LIMCH1: variants seen among roughly 807,000 people sequenced by gnomAD.
LIMCH1 encodes LIM and calponin homology domains-containing protein 1.
In LIMCH1, 113 loss-of-function variants were observed where a neutral mutation model predicts 176.5. The observed-to-expected ratio is 0.64, with a 90% CI of 0.55 to 0.75. The LOEUF is 0.75. LIMCH1 is among the 30% of genes least tolerant of loss of function. The probability of loss-of-function intolerance (pLI) is 0.00; values close to 1 mark genes in which losing one functional copy is unlikely to be tolerated. For synonymous variants in LIMCH1, 619 were observed against 645.9 expected (o/e 0.96, Z 0.63); for missense variants, 1,674 against 1,814.9 (o/e 0.92, Z 1.41).
At position 41,633,597 on chromosome 4, in the gene LIMCH1, T is replaced by A; in HGVS notation, c.1879T>A (p.Leu627Met). 1 of 1,536,036 alleles carries A rather than the reference T, an allele frequency of 6.5e-7. No individual in the cohort carries two copies. The highest frequency in any genetic ancestry group is 8.7e-7 in the Non-Finnish European group (1 of 1,146,908). The change falls in exon 13 of 32, where the codon TTG becomes ATG. Residue 627 changes from leucine to methionine, a missense_variant. By Grantham distance (15) the Leu-to-Met change is conservative. Around this residue, in one of 3 missense-constraint regions of LIMCH1, gnomAD observed 1,015 missense variants for 1,102.5 expected, o/e 0.92. Transcript: ENST00000503057. ...ECEASGTEEKLEKMTAPAWSG... is the reference protein window; with the variant it reads ...ECEASGTEEKMEKMTAPAWSG... ...TGAGGCTTCAGGGACAGAAGAGAAG[T>A]TGGAGAAGATGACAGCTCCTGCCTG...
chr4:41,408,578 C>T (rs1490448392), intron 1 of LIMCH1, among the ~76,000 whole-genome samples: 1 of 152,138 alleles, frequency 6.6e-6, no homozygotes, highest in Non-Finnish European at 1.5e-5. Context: ...TCAGGTTTTC[C>T]AATGTTCCTC....
chr4:41,680,581 A>G (rs1000860397), intron 24 of LIMCH1, among the ~76,000 whole-genome samples: 2 of 152,206 alleles, frequency 1.3e-5, no homozygotes, highest in Admixed American at 6.5e-5. Context: ...AACACATTAG[A>G]TAACTTAAAG....
chr4:41,375,041 A>T (rs1321330383), intron 1 of LIMCH1, among the ~76,000 whole-genome samples: 3 of 152,232 alleles, frequency 2.0e-5, no homozygotes, highest in Non-Finnish European at 2.9e-5. Flanking sequence ...TGAATTCCCT[A>T]GAGGAAAATC....
intron 21 of LIMCH1, chr4:41,670,587 A>C (rs2094980165): frequency 1.7e-6 from 1 of 589,194 alleles, no homozygotes; most frequent in Admixed American, 3.3e-5. Context: ...TTTGTACTGT[A>C]GATTTACTGA....
rs954456546 is a variant in LIMCH1 at position 41,417,851 on chromosome 4, GA to G, written c.96+56920del. On this transcript the variant is annotated intron_variant, in intron 1 of 26. Transcript: ENST00000313860. ...TAGAGGGTATTTTAAAATTTGGTTT[GA>G]AAAATTTTTTTTACAATGAGCATGT... Among the ~76,000 whole-genome samples, 7 of 151,958 alleles carry G rather than the reference GA, an allele frequency of 4.6e-5. 1 individual carries two copies. Among genetic ancestry groups the G allele is most frequent in the African/African-American group, 1.7e-4 (7 of 41,350 alleles).
At chr4:41,398,729 G>T (rs2058070548) in intron 1 of LIMCH1, among the ~76,000 whole-genome samples, 1 of 152,158 alleles carries the variant, frequency 6.6e-6, no homozygotes, top group East Asian at 1.9e-4. Context: ...AGCACACACT[G>T]TTCTCTTTCA....
rs574803525 is a variant in LIMCH1 at position 41,459,825 on chromosome 4, G to T, written c.97-34711G>T. 3.3e-5 allele frequency among the ~76,000 whole-genome samples: 5 copies of T among 152,298 alleles called. 1 individual carries two copies. Among genetic ancestry groups the T allele is most frequent in the African/African-American group, 7.2e-5 (3 of 41,564 alleles). On this transcript the variant is annotated intron_variant, in intron 1 of 26. Transcript: ENST00000313860. The stretch of plus-strand genomic sequence containing the variant: ...GGGAGCTAGAACCATGACGAAGCTT[G>T]CAGTAAGAGCTGCAATGTGGAGGAA...
intron 1 of LIMCH1, among the ~76,000 whole-genome samples, chr4:41,375,277 C>G (rs774660839): frequency 2.6e-4 from 39 of 152,092 alleles, no homozygotes; most frequent in Non-Finnish European, 3.4e-4. Context: ...GATTGTTTTA[C>G]TCCTATTTTT....
intron 1 of LIMCH1, among the ~76,000 whole-genome samples, chr4:41,593,441 C>T (rs965739812): frequency 8.5e-5 from 13 of 152,146 alleles, no homozygotes; most frequent in Non-Finnish European, 1.5e-4. Flanking sequence ...GAGGATTTAC[C>T]GCCATGAGTT....
intron 6 of LIMCH1, chr4:41,620,199 G>T: frequency 2.0e-6 from 1 of 489,606 alleles, no homozygotes; most frequent in Non-Finnish European, 3.5e-6. Flanking sequence ...AAAGGTTTTT[G>T]CCTTTCATTA....
At chr4:41,585,313 T>A (rs1164832110) in intron 1 of LIMCH1, among the ~76,000 whole-genome samples, 1 of 152,234 alleles carries the variant, frequency 6.6e-6, no homozygotes, top group Non-Finnish European at 1.5e-5. Flanking sequence ...TCTGTTCTTT[T>A]GTGTCTGACT....
At position 41,620,465 on chromosome 4, in the gene LIMCH1, C is replaced by A; in HGVS notation, c.500C>A (p.Ser167Tyr). Residue 167 changes from serine (S) to tyrosine (Y), a missense_variant, in exon 7 of 32, where the codon TCT (serine) becomes TAT (tyrosine). Around this residue, in one of 3 missense-constraint regions of LIMCH1, gnomAD observed 655 missense variants for 692.2 expected, o/e 0.95. Coordinates refer to ENST00000503057, the MANE Select transcript of LIMCH1 (RefSeq NM_001330672.2). The stretch of plus-strand genomic sequence containing the variant: ...GAGGAAGAGGGGAGTGAAGTGGGGT[C>A]TGCTGGTGAAGACAACCCAGCTGGC... Reference protein sequence around the residue: ...TIEEEGSEVGSAGEDNPAGQM... With the variant: ...TIEEEGSEVGYAGEDNPAGQM... 6.5e-7 allele frequency: 1 copy of A among 1,536,164 alleles called. No individual in the cohort carries two copies. The highest frequency in any genetic ancestry group is 1.2e-5 in the South Asian group (1 of 84,060).
chr4:41,645,350 C>T (rs2094012435), intron 15 of LIMCH1, among the ~76,000 whole-genome samples: 1 of 152,192 alleles, frequency 6.6e-6, no homozygotes, highest in Non-Finnish European at 1.5e-5. Flanking sequence ...AATATAGTAA[C>T]AATTATGTCT....
At chr4:41,485,859 AGACCCTT>A (rs756259558) in intron 1 of LIMCH1, among the ~76,000 whole-genome samples, 35 of 152,146 alleles carry the variant, frequency 2.3e-4, no homozygotes, top group Non-Finnish European at 4.3e-4. Flanking sequence ...ACCAGTTAGG[AGACCCTT>A]GACCTATGTA....
intron 10 of LIMCH1, among the ~76,000 whole-genome samples, chr4:41,631,951 C>G (rs1412017426): frequency 6.6e-6 from 1 of 152,146 alleles, no homozygotes; most frequent in African/African-American, 2.4e-5. Flanking sequence ...CCTTCCTCCC[C>G]CACTTTTTAA....
At chr4:41,414,521 C>T (rs1026937561) in intron 1 of LIMCH1, among the ~76,000 whole-genome samples, 23 of 152,196 alleles carry the variant, frequency 1.5e-4, no homozygotes, top group African/African-American at 4.8e-4. Context: ...TTGACTTGGC[C>T]GCAGCTAAGA....
intron 1 of LIMCH1, among the ~76,000 whole-genome samples, chr4:41,547,824 AATAC>A (rs2079735929): frequency 7.2e-6 from 1 of 139,560 alleles, no homozygotes; most frequent in South Asian, 2.2e-4. Context: ...ATACATTATA[AATAC>A]ATATAATGTT....
intron 18 of LIMCH1, among the ~76,000 whole-genome samples, chr4:41,651,066 G>C (rs534358316): frequency 6.7e-6 from 1 of 148,890 alleles, no homozygotes; most frequent in Non-Finnish European, 1.5e-5. Flanking sequence ...GAGTGTAATG[G>C]TGCGATCTTG....
Position 41,631,357 on chromosome 4 carries a change from A to T in LIMCH1, c.1481A>T (p.Glu494Val). 6.5e-7 allele frequency: 1 copy of T among 1,536,216 alleles called. No individual in the cohort carries two copies. Among genetic ancestry groups the T allele is most frequent in the Non-Finnish European group, 8.7e-7 (1 of 1,146,940 alleles). Reference sequence around the variant, plus strand: ...AGCATTGGCAAGGCTGGGCCTAGAGAGGATGAAGAAGAAGTCATCTGTCAT... The same window carrying T: ...AGCATTGGCAAGGCTGGGCCTAGAGTGGATGAAGAAGAAGTCATCTGTCAT... ...RLSIGKAGPREDEEEVICHGS... is the reference protein window; with the variant it reads ...RLSIGKAGPRVDEEEVICHGS... The change falls in exon 10 of 32, where the codon GAG becomes GTG. Residue 494 changes from glutamate (E) to valine (V), a missense_variant. By Grantham distance (121) the Glu-to-Val change is moderately radical (BLOSUM62 -2). This residue lies in a region of LIMCH1 where 655 missense variants were observed against 692.2 expected (regional missense o/e 0.95). Coordinates refer to ENST00000503057, the MANE Select transcript of LIMCH1 (RefSeq NM_001330672.2).
Sources: gnomAD v4.1 joint callset for allele counts (sites outside exome capture counted in the v4.1 genomes callset) on GRCh38, gnomAD v4.1.1 for gene constraint, gnomAD v4.1.1 regional missense constraint, MANE v1.5 for transcripts, NCBI Gene and HGNC (gene_info 2026-07-23, HGNC 2026-07-21) for gene names.